Variants in CTNNA3 observed in about 807,000 individuals in gnomAD.
CTNNA3 encodes catenin alpha-3.
Under a neutral mutation model 95.7 loss-of-function variants are expected in CTNNA3, and 76 were observed. The observed-to-expected ratio is 0.79, with a 90% CI of 0.66 to 0.96. The LOEUF is 0.96. CTNNA3 is among the 40% of genes least tolerant of loss of function. CTNNA3 has a pLI of 0.00. For missense variants in CTNNA3, 1,191 were observed against 1,089.8 expected (o/e 1.09, Z -1.31); for synonymous variants, 431 against 374.4 (o/e 1.15, Z -1.74).
intron 11 of CTNNA3, among the ~76,000 whole-genome samples, chr10:66,456,954 T>G (rs913633231): frequency 6.6e-6 from 1 of 151,648 alleles, no homozygotes; most frequent in Non-Finnish European, 1.5e-5. Flanking sequence ...ATTAGCTGGG[T>G]GTGGTGGCAT....
chr10:66,358,441 G>A (rs2092628082), intron 12 of CTNNA3, among the ~76,000 whole-genome samples: 1 of 152,094 alleles, frequency 6.6e-6, no homozygotes. Flanking sequence ...ACTTTACAGA[G>A]TCCTCCAAGA....
intron 7 of CTNNA3, among the ~76,000 whole-genome samples, chr10:67,138,902 C>G (rs1434849243): frequency 6.6e-6 from 1 of 152,050 alleles, no homozygotes; most frequent in Non-Finnish European, 1.5e-5. Context: ...GGACAGGGCA[C>G]TTTAAAATTA....
At chr10:67,440,065 A>G (rs1846444488) in intron 5 of CTNNA3, among the ~76,000 whole-genome samples, 1 of 151,722 alleles carries the variant, frequency 6.6e-6, no homozygotes, top group Non-Finnish European at 1.5e-5. Context: ...AGGTTCTTAA[A>G]CAGAATTTCT....
chr10:66,481,645 G>A lies in CTNNA3; in HGVS notation c.1531+38972C>T, dbSNP rs186425680. On this transcript the variant is annotated intron_variant, in intron 11 of 17. Transcript: ENST00000433211. The stretch of plus-strand genomic sequence containing the variant: ...TGCCACCACGCCCGGCTAATTTTTT[G>A]TATTTTTAGTAGAGACGGGGTTTCA... 0.032 allele frequency among the ~76,000 whole-genome samples: 4,680 copies of A among 145,304 alleles called. 523 individuals carry two copies. In the East Asian group the frequency reaches 0.33, roughly 10 times the overall value.
intron 3 of CTNNA3, among the ~76,000 whole-genome samples, chr10:67,557,403 G>T (rs1429877677): frequency 6.6e-6 from 1 of 152,122 alleles, no homozygotes; most frequent in Admixed American, 6.5e-5. Flanking sequence ...AATTTATCCA[G>T]CCTCCTTTGT....
Position 66,903,911 on chromosome 10 carries a change from C to A in CTNNA3, c.1048-128387G>T, listed in dbSNP as rs539527682. On this transcript the variant is annotated intron_variant, in intron 7 of 17. Transcript: ENST00000433211. ...AACAAATGGAAGAACATTCCATGCT[C>A]ATGGATAGGAAGAATTTACATCATG... Among the ~76,000 whole-genome samples, 21 of 152,270 alleles carry A rather than the reference C, an allele frequency of 1.4e-4. 2 individuals are homozygous for A. The South Asian group carries it at 4.4e-3, about 32-fold the overall frequency.
At chr10:66,305,850 C>T (rs2091926617) in intron 12 of CTNNA3, among the ~76,000 whole-genome samples, 1 of 152,136 alleles carries the variant, frequency 6.6e-6, no homozygotes, top group Non-Finnish European at 1.5e-5. Flanking sequence ...AAGGCAAATT[C>T]TCTCTCTCTT....
intron 7 of CTNNA3, chr10:66,928,220 T>C: frequency 1.2e-6 from 2 of 1,614,166 alleles, no homozygotes; most frequent in Non-Finnish European, 1.7e-6. Context: ...CTCGTCATCC[T>C]GCTGGTTATC....
At chr10:67,176,313 G>A (rs925809307) in intron 7 of CTNNA3, among the ~76,000 whole-genome samples, 6 of 152,160 alleles carry the variant, frequency 3.9e-5, no homozygotes, top group African/African-American at 1.2e-4. Flanking sequence ...ATGTCAGAGA[G>A]GCTGTTTCTC....
intron 12 of CTNNA3, among the ~76,000 whole-genome samples, chr10:66,318,265 T>TAC (rs2092130249): frequency 1.0e-5 from 1 of 98,452 alleles, no homozygotes. Context: ...CTGGGAGATA[T>TAC]ATATATATAT....
intron 15 of CTNNA3, among the ~76,000 whole-genome samples, chr10:66,039,099 C>A (rs956435448): frequency 6.6e-6 from 1 of 152,096 alleles, no homozygotes; most frequent in Non-Finnish European, 1.5e-5. Context: ...TACACACCAA[C>A]AACATCCAAG....
Position 65,935,021 on chromosome 10 carries a change from G to A in CTNNA3, c.2401-14404C>T, listed in dbSNP as rs550196690. 5.3e-5 allele frequency among the ~76,000 whole-genome samples: 8 copies of A among 152,194 alleles called. No homozygotes were observed. In the South Asian group the frequency reaches 1.7e-3, roughly 32 times the overall value. The stretch of plus-strand genomic sequence containing the variant: ...CAGTGCCCAGTGTGTCCATATGACT[G>A]TCCCCTATTCACTCCCATGAGCAGC... On this transcript the variant is annotated intron_variant, in intron 17 of 17. Coordinates refer to ENST00000433211, the MANE Select transcript of CTNNA3 (RefSeq NM_013266.4).
intron 7 of CTNNA3, among the ~76,000 whole-genome samples, chr10:66,969,931 A>G (rs1849626926): frequency 6.6e-6 from 1 of 152,110 alleles, no homozygotes. Flanking sequence ...GAACCTCAGG[A>G]TTACTACATG....
chr10:66,426,053 T>C (rs1482270634), intron 11 of CTNNA3, among the ~76,000 whole-genome samples: 2 of 152,174 alleles, frequency 1.3e-5, no homozygotes, highest in Non-Finnish European at 2.9e-5. Flanking sequence ...TTGTATCATA[T>C]GACTGTTTCA....
chr10:66,918,452 C>T (rs542718282), intron 7 of CTNNA3, among the ~76,000 whole-genome samples: 1 of 152,220 alleles, frequency 6.6e-6, no homozygotes, highest in Admixed American at 6.5e-5. Flanking sequence ...AATAGATGCC[C>T]CAAATATCCA....
chr10:66,484,495 A>C (rs1589315549), intron 11 of CTNNA3, among the ~76,000 whole-genome samples: 1 of 152,222 alleles, frequency 6.6e-6, no homozygotes. Flanking sequence ...ACATGCATGG[A>C]CATAGTGTAG....
chr10:66,965,611 G>A (rs1447137887), intron 7 of CTNNA3, among the ~76,000 whole-genome samples: 2 of 150,332 alleles, frequency 1.3e-5, no homozygotes, highest in Non-Finnish European at 3.0e-5. Flanking sequence ...TTTCCCAGGA[G>A]GGCAAGACAG....
intron 7 of CTNNA3, among the ~76,000 whole-genome samples, chr10:66,819,025 G>A (rs570733640): frequency 4.0e-5 from 6 of 150,730 alleles, no homozygotes; most frequent in Admixed American, 4.0e-4. Context: ...CGGAGGCAGA[G>A]GTTGCAATGA....
chr10:67,595,766 C>T (rs1815428123), intron 3 of CTNNA3, among the ~76,000 whole-genome samples: 1 of 152,054 alleles, frequency 6.6e-6, no homozygotes, highest in African/African-American at 2.4e-5. Context: ...GGTTATCTAT[C>T]TTTATAGGTC....
Sources: allele counts gnomAD v4.1 joint callset (sites outside exome capture counted in the v4.1 genomes callset), GRCh38; gene constraint gnomAD v4.1.1; transcripts MANE v1.5; gene names NCBI Gene and HGNC (gene_info 2026-07-23, HGNC 2026-07-21).